The following CTNND2 variants were observed in gnomAD, a reference collection of about 807,000 sequenced individuals.
CTNND2 encodes the protein catenin delta 2, also known as catenin delta-2.
In CTNND2, 22 loss-of-function variants were observed where a neutral mutation model predicts 144.4. That is an observed-to-expected ratio of 0.15 (90% CI 0.11 to 0.22). The LOEUF (loss-of-function observed/expected upper bound fraction) is 0.22, where lower values mean the gene tolerates loss of function less well. Among genes scored for constraint, CTNND2 ranks in the 10% least tolerant of loss-of-function variants. The pLI, the probability that CTNND2 is intolerant of heterozygous loss-of-function variation, is 1.00. For synonymous variants in CTNND2, 751 were observed against 695.6 expected (o/e 1.08, Z -1.25); for missense variants, 1,353 against 1,618.8 (o/e 0.84, Z 2.82).
intron 13 of CTNND2, among the ~76,000 whole-genome samples, chr5:11,114,617 T>C (rs1753358367): frequency 6.6e-6 from 1 of 152,136 alleles, no homozygotes; most frequent in Admixed American, 6.5e-5. Flanking sequence ...AGCAGTTGCT[T>C]TTGGTTACCA....
chr5:11,878,613 C>A (rs1040469673), intron 1 of CTNND2, among the ~76,000 whole-genome samples: 3 of 152,180 alleles, frequency 2.0e-5, no homozygotes, highest in Non-Finnish European at 4.4e-5. Context: ...TTTCCGGAAT[C>A]CTGAGCTGAA....
intron 2 of CTNND2, among the ~76,000 whole-genome samples, chr5:11,593,899 A>C (rs1415724200): frequency 6.7e-6 from 1 of 149,364 alleles, no homozygotes; most frequent in Non-Finnish European, 1.5e-5. Context: ...AGAATGATTA[A>C]AATTCAGAGA....
chr5:11,575,432 A>G (rs1174595443), intron 2 of CTNND2, among the ~76,000 whole-genome samples: 1 of 152,160 alleles, frequency 6.6e-6, no homozygotes, highest in Non-Finnish European at 1.5e-5. Context: ...TTTCTGTTCA[A>G]TGATCTTTTT....
chr5:11,000,666 G>C (rs1739860828), intron 18 of CTNND2, among the ~76,000 whole-genome samples: 1 of 152,166 alleles, frequency 6.6e-6, no homozygotes, highest in Non-Finnish European at 1.5e-5. Context: ...TGCTAACCCT[G>C]GGTGTCTCAG....
chr5:11,887,256 T>G (rs1736624081), intron 1 of CTNND2, among the ~76,000 whole-genome samples: 1 of 152,156 alleles, frequency 6.6e-6, no homozygotes, highest in South Asian at 2.1e-4. Context: ...GTGCTGGGAT[T>G]ACAGGCAGGA....
intron 1 of CTNND2, among the ~76,000 whole-genome samples, chr5:11,769,166 C>G (rs1789773241): frequency 6.6e-6 from 1 of 152,072 alleles, no homozygotes; most frequent in Admixed American, 6.5e-5. Flanking sequence ...TCCTGGGTCA[C>G]TTTCGGGACT....
chr5:11,245,438 G>T (rs922029770), intron 9 of CTNND2, among the ~76,000 whole-genome samples: 1 of 152,186 alleles, frequency 6.6e-6, no homozygotes, highest in Non-Finnish European at 1.5e-5. Flanking sequence ...TAAGAAGAGG[G>T]ACGCAGAGGG....
intron 7 of CTNND2, among the ~76,000 whole-genome samples, chr5:11,376,352 C>A: frequency 1.3e-4 from 1 of 7,770 alleles, no homozygotes; most frequent in Non-Finnish European, 4.0e-4. Flanking sequence ...GTGTGTATTT[C>A]TTATTCTAAA....
chr5:11,554,590 T>C (rs1186223582), intron 3 of CTNND2, among the ~76,000 whole-genome samples: 2 of 152,206 alleles, frequency 1.3e-5, no homozygotes, highest in East Asian at 3.8e-4. Context: ...TGGTATAATC[T>C]ATCTAACCCA....
chr5:11,858,409 T>C (rs1382915883), intron 1 of CTNND2, among the ~76,000 whole-genome samples: 1 of 152,156 alleles, frequency 6.6e-6, no homozygotes, highest in Non-Finnish European at 1.5e-5. Context: ...GAAGTGTTCA[T>C]AAGGTAACTA....
At chr5:11,283,673 CAAAAAAAAAAA>C (rs70947250) in intron 9 of CTNND2, among the ~76,000 whole-genome samples, 10 of 31,600 alleles carry the variant, frequency 3.2e-4, no homozygotes, top group South Asian at 2.6e-3. Context: ...GACTCCGTCT[CAAAAAAAAAAA>C]AAAAAAAAAA....
At chr5:11,451,833 T>TG (rs1561414700) in intron 3 of CTNND2, among the ~76,000 whole-genome samples, 4 of 152,322 alleles carry the variant, frequency 2.6e-5, no homozygotes, top group Admixed American at 1.3e-4. Flanking sequence ...GAACAACACA[T>TG]GCGAATAACA....
rs562240721 is a variant in CTNND2, at chr5:11,249,139, T to C, written c.1629-12316A>G. On this transcript the variant is annotated intron_variant, in intron 9 of 21. Coordinates refer to ENST00000304623, the MANE Select transcript of CTNND2 (RefSeq NM_001332.4). ...TATCTACCAGAAAAAGCCTGTTATCTAAGAAGGAAGAGCGTACTCCTTGTT... is the reference window on the plus strand; with the variant it reads ...TATCTACCAGAAAAAGCCTGTTATCCAAGAAGGAAGAGCGTACTCCTTGTT... Among the ~76,000 whole-genome samples, 5 of 152,344 alleles carry C rather than the reference T, an allele frequency of 3.3e-5. No individual in the cohort carries two copies. The East Asian group carries it at 7.7e-4, about 24-fold the overall frequency.
In CTNND2 at chr5:11,524,324, TCA is replaced by T. The variant is rs368568102; in HGVS notation, c.287+40618_287+40619del. On this transcript the variant is annotated intron_variant, in intron 3 of 21. Coordinates refer to ENST00000304623, the MANE Select transcript of CTNND2 (RefSeq NM_001332.4). ...TTATGACGCCCTGACTCAAACACAATCACACACTAAGGCATGAAATCTGAAAG... is the reference window on the plus strand; with the variant it reads ...TTATGACGCCCTGACTCAAACACAATCACACTAAGGCATGAAATCTGAAAG... 2.3e-4 allele frequency among the ~76,000 whole-genome samples: 35 copies of T among 152,342 alleles called. No homozygotes were observed. The South Asian group carries it at 4.8e-3, about 21-fold the overall frequency.
intron 2 of CTNND2, among the ~76,000 whole-genome samples, chr5:11,699,858 G>A (rs1293543849): frequency 6.6e-6 from 1 of 152,176 alleles, no homozygotes; most frequent in African/African-American, 2.4e-5. Flanking sequence ...TAAGTACAAC[G>A]TGCCAGGGTG....
chr5:11,383,007 G>A (rs765498768), intron 7 of CTNND2, among the ~76,000 whole-genome samples: 18 of 152,056 alleles, frequency 1.2e-4, no homozygotes, highest in Non-Finnish European at 1.9e-4. Flanking sequence ...AGGAGCTGTT[G>A]GCTCTATTCA....
At chr5:11,584,637 T>A (rs1778694141) in intron 2 of CTNND2, among the ~76,000 whole-genome samples, 1 of 152,138 alleles carries the variant, frequency 6.6e-6, no homozygotes, top group Non-Finnish European at 1.5e-5. Flanking sequence ...ATTAAACATA[T>A]CAAAGGTAGC....
intron 1 of CTNND2, among the ~76,000 whole-genome samples, chr5:11,816,623 GAA>G: frequency 8.7e-6 from 1 of 114,768 alleles, no homozygotes; most frequent in Non-Finnish European, 1.8e-5. Flanking sequence ...GAGAGAGAGG[GAA>G]GAGGGAGAGG....
intron 6 of CTNND2, among the ~76,000 whole-genome samples, chr5:11,394,064 T>A (rs1450506228): frequency 6.6e-6 from 1 of 152,060 alleles, no homozygotes; most frequent in Non-Finnish European, 1.5e-5. Flanking sequence ...TCCTTCCTCT[T>A]CTCCATGTCT....
Sources: gnomAD v4.1 joint callset for allele counts (sites outside exome capture counted in the v4.1 genomes callset) on GRCh38, gnomAD v4.1.1 for gene constraint, MANE v1.5 for transcripts, NCBI Gene and HGNC (gene_info 2026-07-23, HGNC 2026-07-21) for gene names.